The following NRXN1 variants were observed in gnomAD, a reference collection of about 807,000 sequenced individuals.
NRXN1 encodes the protein neurexin 1.
NRXN1 carries 39 observed loss-of-function variants against 150.9 expected under a neutral mutation model. The ratio of observed to expected loss-of-function variants is 0.26; its 90% CI spans 0.20 to 0.34. The LOEUF is 0.34. Ranked by LOEUF, NRXN1 falls within the 10% of genes least tolerant of loss-of-function variation. NRXN1 has a pLI of 1.00. For synonymous variants in NRXN1, 924 were observed against 757.0 expected, an observed-to-expected ratio of 1.22 and a Z score of -3.62; for missense variants, 1,815 against 1,949.9, an observed-to-expected ratio of 0.93 and a Z score of 1.30.
intron 17 of NRXN1, among the ~76,000 whole-genome samples, chr2:50,316,816 G>A (rs1265477152): frequency 7.9e-5 from 12 of 151,610 alleles, no homozygotes; most frequent in Non-Finnish European, 1.8e-4. Context: ...AATAAAATAG[G>A]GTAAAAAAAT....
At chr2:50,413,812 A>G (rs2083353017) in intron 17 of NRXN1, among the ~76,000 whole-genome samples, 1 of 152,312 alleles carries the variant, frequency 6.6e-6, no homozygotes, top group South Asian at 2.1e-4. Context: ...TGCATAAAGG[A>G]AATGTGTTAC....
intron 18 of NRXN1, among the ~76,000 whole-genome samples, chr2:50,138,921 T>C (rs990542719): frequency 3.3e-5 from 5 of 152,334 alleles, no homozygotes; most frequent in Non-Finnish European, 7.4e-5. Flanking sequence ...TTCTTGGAAA[T>C]GTAGGCCAAA....
chr2:50,820,240 T>C (rs181173433), intron 5 of NRXN1, among the ~76,000 whole-genome samples: 1 of 152,258 alleles, frequency 6.6e-6, no homozygotes. Context: ...TGAATTTTAG[T>C]GCAGAATTGC....
chr2:50,889,342 T>A (rs1371244011), intron 5 of NRXN1, among the ~76,000 whole-genome samples: 1 of 151,704 alleles, frequency 6.6e-6, no homozygotes, highest in Non-Finnish European at 1.5e-5. Context: ...ATATGTTGAG[T>A]TGCTTAAAGA....
At chr2:50,141,872 C>A (rs577662956) in intron 18 of NRXN1, among the ~76,000 whole-genome samples, 33 of 152,002 alleles carry the variant, frequency 2.2e-4, no homozygotes, top group African/African-American at 7.5e-4. Context: ...ATTAGTACAG[C>A]CATTATGGAA....
At chr2:50,305,944 T>A (rs2074572847) in intron 17 of NRXN1, among the ~76,000 whole-genome samples, 1 of 152,198 alleles carries the variant, frequency 6.6e-6, no homozygotes, top group South Asian at 2.1e-4. Flanking sequence ...CCCTACCTTA[T>A]TTTTTCTTGG....
At chr2:50,381,306 G>A (rs2080941596) in intron 17 of NRXN1, among the ~76,000 whole-genome samples, 1 of 152,032 alleles carries the variant, frequency 6.6e-6, no homozygotes, top group Admixed American at 6.6e-5. Context: ...CATCACGACA[G>A]TCTTCTGGGT....
chr2:50,960,209 C>T (rs1692925576), intron 2 of NRXN1, among the ~76,000 whole-genome samples: 1 of 151,844 alleles, frequency 6.6e-6, no homozygotes, highest in Non-Finnish European at 1.5e-5. Context: ...AAGAGAACAA[C>T]AGATCTGCCT....
intron 17 of NRXN1, among the ~76,000 whole-genome samples, chr2:50,405,800 T>G (rs2082714700): frequency 6.6e-6 from 1 of 152,180 alleles, no homozygotes. Flanking sequence ...AAAGAAGTAT[T>G]GCACTCTATA....
At chr2:50,321,495 A>C (rs2076035848) in intron 17 of NRXN1, among the ~76,000 whole-genome samples, 1 of 152,160 alleles carries the variant, frequency 6.6e-6, no homozygotes, top group African/African-American at 2.4e-5. Context: ...TTGAACTTTA[A>C]AGAGTTTAAA....
intron 8 of NRXN1, among the ~76,000 whole-genome samples, chr2:50,610,494 G>A (rs1180772975): frequency 6.6e-6 from 1 of 150,690 alleles, no homozygotes; most frequent in Admixed American, 6.6e-5. Context: ...TATTATTAGA[G>A]AAATTTTTCA....
chr2:50,618,612 G>C (rs755635739), intron 8 of NRXN1, among the ~76,000 whole-genome samples: 11 of 152,010 alleles, frequency 7.2e-5, no homozygotes, highest in Non-Finnish European at 1.3e-4. Flanking sequence ...ATACTTGTTA[G>C]TTGTGTGACC....
At chr2:50,320,304 A>G (rs1329148386) in intron 17 of NRXN1, among the ~76,000 whole-genome samples, 75 of 120,464 alleles carry the variant, frequency 6.2e-4, no homozygotes, top group African/African-American at 2.4e-3. Flanking sequence ...ATATATATAT[A>G]TATATATATA....
intron 2 of NRXN1, among the ~76,000 whole-genome samples, chr2:50,962,851 T>C (rs1217949241): frequency 6.6e-6 from 1 of 151,612 alleles, no homozygotes; most frequent in Non-Finnish European, 1.5e-5. Context: ...TTTCATTCAT[T>C]ATCAGTCAAC....
chr2:50,091,292 A>G (rs1243095199), intron 19 of NRXN1, 31 bp downstream of exon 19: 2 of 1,613,216 alleles, frequency 1.2e-6, no homozygotes, highest in East Asian at 4.5e-5. Context: ...TTTTCATAAA[A>G]TCTTCCCCCG....
At chr2:50,001,445 A>G (rs1480796643) in intron 21 of NRXN1, among the ~76,000 whole-genome samples, 1 of 152,076 alleles carries the variant, frequency 6.6e-6, no homozygotes, top group Non-Finnish European at 1.5e-5. Context: ...AAAGTATGTA[A>G]AGCATTTAGG....
At chr2:50,867,582 C>G (rs1384744103) in intron 5 of NRXN1, among the ~76,000 whole-genome samples, 2 of 151,380 alleles carry the variant, frequency 1.3e-5, no homozygotes, top group South Asian at 2.1e-4. Flanking sequence ...TTTTTTCCTG[C>G]TCCATTGGAG....
intron 21 of NRXN1, among the ~76,000 whole-genome samples, chr2:50,046,969 G>A (rs940877512): frequency 3.3e-5 from 5 of 152,122 alleles, no homozygotes; most frequent in African/African-American, 1.2e-4. Flanking sequence ...TGTGACCTTC[G>A]ACAAATGGTT....
At chr2:50,402,388 A>C (rs1247416353) in intron 17 of NRXN1, among the ~76,000 whole-genome samples, 2 of 152,070 alleles carry the variant, frequency 1.3e-5, no homozygotes, top group African/African-American at 4.8e-5. Context: ...CCTTTGCTTC[A>C]ATGTAAAGTA....
Sources: allele counts gnomAD v4.1 joint callset (sites outside exome capture counted in the v4.1 genomes callset), GRCh38; gene constraint gnomAD v4.1.1; transcripts MANE v1.5; gene names NCBI Gene and HGNC (gene_info 2026-07-23, HGNC 2026-07-21).